RPA3: variants seen among roughly 807,000 people sequenced by gnomAD.
RPA3 encodes the protein replication protein A 14 kDa subunit.
A neutral mutation model predicts 13.7 loss-of-function variants in RPA3; 24 were observed. That is an observed-to-expected ratio of 1.75 (90% CI 1.27 to 2.46). The LOEUF (loss-of-function observed/expected upper bound fraction) is 2.46. RPA3 is among the 30% of genes most tolerant of loss of function. RPA3 has a pLI of 0.00. For missense variants in RPA3, 183 were observed against 151.0 expected (o/e 1.21, Z -1.11); for synonymous variants, 59 against 51.2 (o/e 1.15, Z -0.65).
intron 4 of RPA3, among the ~76,000 whole-genome samples, chr7:7,653,751 A>G (rs975725505): frequency 6.6e-6 from 1 of 152,146 alleles, no homozygotes. Flanking sequence ...CTTTCTTGTA[A>G]TGTCTTGGTT....
chr7:7,668,286 G>A (rs1047794700), intron 4 of RPA3, among the ~76,000 whole-genome samples: 1 of 152,102 alleles, frequency 6.6e-6, no homozygotes, highest in African/African-American at 2.4e-5. Context: ...GATTATAGGA[G>A]ATAGAGCATA....
At chr7:7,645,628 G>C (rs866961588) in intron 4 of RPA3, among the ~76,000 whole-genome samples, 9 of 152,108 alleles carry the variant, frequency 5.9e-5, no homozygotes, top group Non-Finnish European at 5.9e-5. Flanking sequence ...TCTATTCCTA[G>C]TTTGATAAGC....
intron 1 of RPA3, among the ~76,000 whole-genome samples, chr7:7,716,816 GGC>G (rs1412717831): frequency 6.6e-6 from 1 of 152,068 alleles, no homozygotes; most frequent in Non-Finnish European, 1.5e-5. Flanking sequence ...CATGGTGGCG[GGC>G]GCCCATAATC....
chr7:7,704,213 T>C (rs1010800197), intron 2 of RPA3, among the ~76,000 whole-genome samples: 1 of 152,222 alleles, frequency 6.6e-6, no homozygotes, highest in African/African-American at 2.4e-5. Context: ...TGTAAAATTA[T>C]AAGGCTACTC....
At chr7:7,681,940 A>T (rs1779922831) in intron 4 of RPA3, among the ~76,000 whole-genome samples, 1 of 152,194 alleles carries the variant, frequency 6.6e-6, no homozygotes, top group African/African-American at 2.4e-5. Flanking sequence ...TGTTATAGCA[A>T]AAAGAAGGAA....
intron 4 of RPA3, among the ~76,000 whole-genome samples, chr7:7,642,729 A>C (rs914914210): frequency 6.6e-6 from 1 of 152,216 alleles, no homozygotes; most frequent in Non-Finnish European, 1.5e-5. Flanking sequence ...CCTGTCATTC[A>C]GCTGAAGAAA....
intron 2 of RPA3, among the ~76,000 whole-genome samples, chr7:7,700,316 C>G (rs1264602722): frequency 6.6e-6 from 1 of 152,126 alleles, no homozygotes; most frequent in African/African-American, 2.4e-5. Flanking sequence ...TACCAAAGTA[C>G]CTCCCAAAGG....
At chr7:7,689,645 A>G (rs1003209587) in intron 2 of RPA3, among the ~76,000 whole-genome samples, 1 of 152,164 alleles carries the variant, frequency 6.6e-6, no homozygotes, top group Non-Finnish European at 1.5e-5. Context: ...ATTTATATGT[A>G]TATCTCAGTA....
chr7:7,645,622 T>G (rs1398206412), intron 4 of RPA3, among the ~76,000 whole-genome samples: 2 of 152,232 alleles, frequency 1.3e-5, no homozygotes, highest in Non-Finnish European at 2.9e-5. Flanking sequence ...TTTCCTTCTA[T>G]TCCTAGTTTG....
At chr7:7,649,789 AT>A (rs1363187875) in intron 4 of RPA3, among the ~76,000 whole-genome samples, 1 of 152,118 alleles carries the variant, frequency 6.6e-6, no homozygotes, top group African/African-American at 2.4e-5. Context: ...CCCTAAGGTG[AT>A]GGCATATAGT....
At chr7:7,641,411 G>T (rs940675287) in intron 4 of RPA3, 20 of 152,274 alleles carry the variant, frequency 1.3e-4, no homozygotes, top group African/African-American at 4.8e-4. Flanking sequence ...CTTCTGAGGC[G>T]TGTTTTCCCC....
intron 1 of RPA3, among the ~76,000 whole-genome samples, chr7:7,715,607 G>A (rs983714536): frequency 2.6e-5 from 4 of 151,956 alleles, no homozygotes; most frequent in African/African-American, 9.7e-5. Context: ...ATTCAAATGA[G>A]GATAAAGTTT....
chr7:7,693,305 A>ATCTATCTATCTG (rs1471284391), intron 2 of RPA3, among the ~76,000 whole-genome samples: 3 of 151,744 alleles, frequency 2.0e-5, no homozygotes, highest in South Asian at 2.1e-4. Flanking sequence ...TTATCTATCT[A>ATCTATCTATCTG]TCTATCTATC....
chr7:7,686,775 A>G lies in RPA3; in HGVS notation c.-927+453T>C, dbSNP rs534573040. Among the ~76,000 whole-genome samples the G allele has an allele frequency of 5.9e-5, 9 of 152,286 alleles. No individual in the cohort carries two copies. In the South Asian group the frequency reaches 1.0e-3, roughly 18 times the overall value. On this transcript the variant is annotated intron_variant, in intron 3 of 7. Transcript: ENST00000223129. ...CTTTCCATGTGGCCGTTTTCCAGTT[A>G]GGTGTGAAGATTATGATGAAGTTTC...
intron 4 of RPA3, among the ~76,000 whole-genome samples, chr7:7,647,906 G>T (rs575854720): frequency 6.6e-6 from 1 of 152,274 alleles, no homozygotes; most frequent in African/African-American, 2.4e-5. Context: ...TGCCTGGCTT[G>T]GCTTTAAAGT....
At chr7:7,664,280 C>G (rs1333124986) in intron 4 of RPA3, among the ~76,000 whole-genome samples, 4 of 152,158 alleles carry the variant, frequency 2.6e-5, no homozygotes, top group Non-Finnish European at 5.9e-5. Flanking sequence ...ATTCAAACTT[C>G]ACCCATCTTA....
chr7:7,704,655 C>A (rs530521725), intron 2 of RPA3, among the ~76,000 whole-genome samples: 4 of 148,164 alleles, frequency 2.7e-5, no homozygotes, highest in African/African-American at 1.0e-4. Flanking sequence ...GTAGTCCCAG[C>A]CATTCAGAAA....
At chr7:7,702,040 G>A (rs747990412) in intron 2 of RPA3, among the ~76,000 whole-genome samples, 2 of 152,184 alleles carry the variant, frequency 1.3e-5, no homozygotes, top group African/African-American at 2.4e-5. Context: ...TTCAGATAGA[G>A]AAGGTATACA....
At chr7:7,712,726 G>T (rs1160150755) in intron 2 of RPA3, among the ~76,000 whole-genome samples, 1 of 152,152 alleles carries the variant, frequency 6.6e-6, no homozygotes, top group Non-Finnish European at 1.5e-5. Flanking sequence ...AAGTGTCAAA[G>T]AAAACATCTT....
Sources: allele counts gnomAD v4.1 joint callset (sites outside exome capture counted in the v4.1 genomes callset), GRCh38; gene constraint gnomAD v4.1.1; transcripts MANE v1.5; gene names NCBI Gene and HGNC (gene_info 2026-07-23, HGNC 2026-07-21).